LDB2: variants seen among roughly 807,000 people sequenced by gnomAD.
The protein encoded by LDB2 is LIM domain-binding protein 2.
A neutral mutation model predicts 44.3 loss-of-function variants in LDB2; 12 were observed. The observed-to-expected ratio is 0.27, with a 90% CI of 0.17 to 0.44. LDB2 has a LOEUF of 0.44. Among genes scored for constraint, LDB2 ranks in the 20% least tolerant of loss-of-function variants. The pLI is 1.00. For synonymous variants in LDB2, 164 were observed against 174.8 expected (o/e 0.94, Z 0.49); for missense variants, 344 against 473.5 (o/e 0.73, Z 2.54).
intron 2 of LDB2, among the ~76,000 whole-genome samples, chr4:16,730,334 G>A (rs2108912014): frequency 6.6e-6 from 1 of 152,144 alleles, no homozygotes; most frequent in East Asian, 1.9e-4. Flanking sequence ...TTACGACTTT[G>A]TATTGTCTGG....
chr4:16,898,259 A>G (rs987235572), intron 1 of LDB2, 95 bp downstream of exon 1: 50 of 1,259,356 alleles, frequency 4.0e-5, no homozygotes, highest in Middle Eastern at 2.2e-4. Flanking sequence ...ATCAAGTGGG[A>G]CACTTCCCAT....
chr4:16,781,513 C>T (rs1436831122), intron 1 of LDB2, among the ~76,000 whole-genome samples: 1 of 152,086 alleles, frequency 6.6e-6, no homozygotes. Context: ...CTACTTTGCT[C>T]CTCTTCCCCA....
chr4:16,689,187 G>A (rs1749990984), intron 2 of LDB2, among the ~76,000 whole-genome samples: 1 of 152,164 alleles, frequency 6.6e-6, no homozygotes, highest in Non-Finnish European at 1.5e-5. Context: ...TACCAGAGCT[G>A]GATCACCGAG....
At chr4:16,529,608 C>T (rs973433419) in intron 5 of LDB2, among the ~76,000 whole-genome samples, 22 of 152,154 alleles carry the variant, frequency 1.4e-4, no homozygotes, top group Admixed American at 2.6e-4. Context: ...ATTTTTCCTC[C>T]ACCTATCTGC....
chr4:16,680,370 T>C (rs1747502549), intron 2 of LDB2, among the ~76,000 whole-genome samples: 1 of 152,202 alleles, frequency 6.6e-6, no homozygotes, highest in African/African-American at 2.4e-5. Context: ...TGCTTCAGCC[T>C]GCTCTTTGTT....
intron 1 of LDB2, among the ~76,000 whole-genome samples, chr4:16,846,621 A>T (rs889019959): frequency 6.6e-6 from 1 of 152,220 alleles, no homozygotes; most frequent in East Asian, 1.9e-4. Context: ...GGAAACATTT[A>T]TATGTTAAAA....
chr4:16,893,954 A>G (rs1301333589), intron 1 of LDB2, among the ~76,000 whole-genome samples: 1 of 152,140 alleles, frequency 6.6e-6, no homozygotes, highest in Non-Finnish European at 1.5e-5. Flanking sequence ...AACTTTCTTA[A>G]ATTTTATAAT....
At chr4:16,556,638 A>G (rs1739706546) in intron 5 of LDB2, among the ~76,000 whole-genome samples, 1 of 152,258 alleles carries the variant, frequency 6.6e-6, no homozygotes, top group Non-Finnish European at 1.5e-5. Context: ...ATAAGGAAGT[A>G]ATGGTTTAAA....
At chr4:16,655,599 T>A (rs533590780) in intron 2 of LDB2, among the ~76,000 whole-genome samples, 3 of 152,282 alleles carry the variant, frequency 2.0e-5, no homozygotes, top group African/African-American at 2.4e-5. Context: ...TCAATGACAT[T>A]TATTGGCATT....
intron 3 of LDB2, among the ~76,000 whole-genome samples, chr4:16,591,704 G>A (rs113573472): frequency 0.025 from 3,775 of 152,168 alleles, 130 homozygotes; most frequent in African/African-American, 0.079. Flanking sequence ...GCAACAGCCA[G>A]CAAATGGAAT....
chr4:16,841,667 T>G (rs546197525), intron 1 of LDB2, among the ~76,000 whole-genome samples: 1 of 152,336 alleles, frequency 6.6e-6, no homozygotes, highest in Admixed American at 6.5e-5. Context: ...TGAGATAGGA[T>G]GCAGTATGTG....
intron 5 of LDB2, among the ~76,000 whole-genome samples, chr4:16,542,092 A>T: frequency 2.6e-5 from 1 of 37,974 alleles, no homozygotes; most frequent in South Asian, 1.9e-3. Context: ...TTCCAATTAC[A>T]TCAGGTGGTG....
At chr4:16,740,603 T>C (rs1274339827) in intron 2 of LDB2, among the ~76,000 whole-genome samples, 2 of 152,252 alleles carry the variant, frequency 1.3e-5, no homozygotes, top group African/African-American at 4.8e-5. Context: ...AATGTGATAC[T>C]TGTCTAATAG....
Position 16,817,626 on chromosome 4 carries a change from A to T in LDB2, c.133-58366T>A, listed in dbSNP as rs192717133. Among the ~76,000 whole-genome samples the T allele has an allele frequency of 5.3e-5, 8 of 152,318 alleles. No individual in the cohort carries two copies. The East Asian group carries it at 1.2e-3, about 22-fold the overall frequency. On this transcript the variant is annotated intron_variant, in intron 1 of 7. Coordinates refer to ENST00000304523, the MANE Select transcript of LDB2 (RefSeq NM_001290.5). Reference sequence around the variant, plus strand: ...AATATATATTTCTTTGCTGTAGAATAATAATAATTGCATAGTGCTTTCTAT... The same window carrying T: ...AATATATATTTCTTTGCTGTAGAATTATAATAATTGCATAGTGCTTTCTAT...
chr4:16,771,276 A>T (rs1042644373), intron 1 of LDB2, among the ~76,000 whole-genome samples: 2 of 152,202 alleles, frequency 1.3e-5, no homozygotes, highest in South Asian at 4.1e-4. Flanking sequence ...ACAAAGACAA[A>T]TATAAGAAAC....
intron 2 of LDB2, among the ~76,000 whole-genome samples, chr4:16,666,305 G>A (rs914540658): frequency 2.0e-5 from 3 of 152,090 alleles, no homozygotes; most frequent in Admixed American, 6.5e-5. Context: ...TTGAAGCCTC[G>A]CCAAGCTAGC....
chr4:16,871,273 A>G (rs920075811), intron 1 of LDB2, among the ~76,000 whole-genome samples: 2 of 152,230 alleles, frequency 1.3e-5, no homozygotes, highest in African/African-American at 4.8e-5. Context: ...GTAGCTTCAA[A>G]TGAGCCATAG....
chr4:16,807,495 T>G (rs16894033), intron 1 of LDB2, among the ~76,000 whole-genome samples: 3,178 of 152,328 alleles, frequency 0.021, 104 homozygotes, highest in African/African-American at 0.071. Context: ...TTGTTTTACA[T>G]GTCCCCTTTC....
intron 2 of LDB2, among the ~76,000 whole-genome samples, chr4:16,696,911 T>C (rs1047754490): frequency 2.0e-5 from 3 of 151,958 alleles, no homozygotes; most frequent in Non-Finnish European, 4.4e-5. Context: ...AGATATATAT[T>C]TTGGGGAAAA....
Sources: allele counts gnomAD v4.1 joint callset (sites outside exome capture counted in the v4.1 genomes callset), GRCh38; gene constraint gnomAD v4.1.1; transcripts MANE v1.5; gene names NCBI Gene and HGNC (gene_info 2026-07-23, HGNC 2026-07-21).